Variants in A1CF observed in about 807,000 individuals in gnomAD.
A1CF encodes the protein APOBEC-1 stimulating protein.
In A1CF, 48 loss-of-function variants were observed where a neutral mutation model predicts 68.9. The observed-to-expected ratio is 0.70, with a 90% CI of 0.55 to 0.89. The LOEUF is 0.89. A1CF is among the 40% of genes least tolerant of loss of function. The pLI is 0.00. For missense variants in A1CF, 653 were observed against 718.9 expected, an observed-to-expected ratio of 0.91 and a Z score of 1.05; for synonymous variants, 272 against 260.4, an observed-to-expected ratio of 1.04 and a Z score of -0.43.
intron 2 of A1CF, among the ~76,000 whole-genome samples, chr10:50,861,826 ATAG>A (rs1840761371): frequency 1.3e-5 from 2 of 148,350 alleles, no homozygotes; most frequent in Non-Finnish European, 1.5e-5. Context: ...TAATACTATG[ATAG>A]TAGCAATAGT....
rs1371699304 is a variant in A1CF at position 50,801,471 on chromosome 10, C to T, written c.*5258G>A. On this transcript the variant is annotated 3_prime_UTR_variant, in exon 13 of 13. Transcript: ENST00000373997. The stretch of plus-strand genomic sequence containing the variant: ...GGACACGTTTGGAAATAAGAGGGAT[C>T]ATTGTTAATATTTATAGAAGGACAG... 2.0e-5 allele frequency: 3 copies of T among 152,156 alleles called. No individual in the cohort carries two copies. Among genetic ancestry groups the T allele is most frequent in the Non-Finnish European group, 2.9e-5 (2 of 68,060 alleles). The allele number at this position is 152,156 out of a possible 1,614,324, so 9.4% of individuals were successfully genotyped here.
At chr10:50,823,680 A>C (rs1838782366) in intron 7 of A1CF, 1 of 152,150 alleles carries the variant, frequency 6.6e-6, no homozygotes, top group African/African-American at 2.4e-5. Flanking sequence ...TCTTGTAGGA[A>C]GATCAGATTT....
At chr10:50,830,740 GT>G (rs1352531902) in intron 6 of A1CF, among the ~76,000 whole-genome samples, 1 of 152,086 alleles carries the variant, frequency 6.6e-6, no homozygotes. Context: ...TTCCAGTGAT[GT>G]TTTTCACAGA....
chr10:50,875,935 C>G (rs1841492510), intron 1 of A1CF, among the ~76,000 whole-genome samples: 1 of 152,192 alleles, frequency 6.6e-6, no homozygotes, highest in Non-Finnish European at 1.5e-5. Flanking sequence ...CCTGCCATGA[C>G]CTGGTCGTAA....
intron 6 of A1CF, among the ~76,000 whole-genome samples, chr10:50,828,664 C>T (rs1321404061): frequency 6.6e-6 from 1 of 151,990 alleles, no homozygotes; most frequent in African/African-American, 2.4e-5. Flanking sequence ...ATTTAGGGCC[C>T]AGATATAGAA....
Position 50,836,324 on chromosome 10 carries a change from G to A in A1CF, c.366-12C>T. ...AGAGGCGCCCATTTCTGCAAAAAGA[G>A]CAGGGATTTTGATTGATGAGAATCC... is the stretch of plus-strand genomic sequence containing the variant. On this transcript the variant is annotated splice_polypyrimidine_tract_variant and intron_variant, in intron 5 of 12. Transcript: ENST00000373997. 1 of 1,607,206 alleles carries A rather than the reference G, an allele frequency of 6.2e-7. No individual in the cohort carries two copies. The highest frequency in any genetic ancestry group is 8.5e-7 in the Non-Finnish European group (1 of 1,177,418).
chr10:50,819,916 G>A (rs1005981069), intron 8 of A1CF, among the ~76,000 whole-genome samples: 6 of 152,128 alleles, frequency 3.9e-5, no homozygotes, highest in African/African-American at 9.7e-5. Context: ...GCACGAGTTT[G>A]TGTAGTTGTC....
intron 8 of A1CF, among the ~76,000 whole-genome samples, chr10:50,819,145 T>C (rs1162128767): frequency 6.6e-6 from 1 of 152,120 alleles, no homozygotes; most frequent in Non-Finnish European, 1.5e-5. Context: ...CTTTCCTTAA[T>C]GGTGGGGTCT....
chr10:50,837,014 C>T (rs1011271318), intron 5 of A1CF, among the ~76,000 whole-genome samples: 1 of 152,160 alleles, frequency 6.6e-6, no homozygotes, highest in African/African-American at 2.4e-5. Flanking sequence ...CTGCCTGGCC[C>T]TGCAGTCGCT....
chr10:50,854,029 G>A (rs1009505097), intron 3 of A1CF, among the ~76,000 whole-genome samples: 1 of 151,514 alleles, frequency 6.6e-6, no homozygotes, highest in Non-Finnish European at 1.5e-5. Flanking sequence ...GTGAACCTAG[G>A]GACCTATCAC....
intron 3 of A1CF, among the ~76,000 whole-genome samples, chr10:50,859,539 A>G (rs1043073014): frequency 2.0e-5 from 3 of 152,144 alleles, no homozygotes; most frequent in Admixed American, 6.5e-5. Flanking sequence ...TGAAACACCA[A>G]TGTGGTTCTA....
At chr10:50,877,942 G>A (rs1195638868) in intron 1 of A1CF, among the ~76,000 whole-genome samples, 1 of 152,132 alleles carries the variant, frequency 6.6e-6, no homozygotes. Context: ...CTAACAAGGT[G>A]AAACCCTGTC....
At chr10:50,836,420 C>A in intron 5 of A1CF, 108 bp from the exon 6 acceptor site, 1 of 1,262,326 alleles carries the variant, frequency 7.9e-7, no homozygotes, top group Non-Finnish European at 1.1e-6. Flanking sequence ...TGTTTGGGTT[C>A]ATAGTGTTGA....
intron 1 of A1CF, among the ~76,000 whole-genome samples, chr10:50,864,305 C>G (rs537330371): frequency 5.9e-5 from 9 of 152,188 alleles, no homozygotes; most frequent in Admixed American, 3.9e-4. Context: ...TTGCTAATAT[C>G]TCATATTGGA....
chr10:50,806,486 A>G lies in A1CF; in HGVS notation c.*243T>C. 3.7e-6 allele frequency: 1 copy of G among 270,158 alleles called. No homozygotes were observed. Among genetic ancestry groups the G allele is most frequent in the Non-Finnish European group, 6.8e-6 (1 of 147,466 alleles). The allele number at this position is 270,158 out of a possible 1,614,324, so 16.7% of individuals were successfully genotyped here. Reference sequence around the variant, plus strand: ...AACACTCAGGAAGACTGGAAGAACAACTTTTGGGGCAGTGGCTCTCCAGCT... The same window carrying G: ...AACACTCAGGAAGACTGGAAGAACAGCTTTTGGGGCAGTGGCTCTCCAGCT... On this transcript the variant is annotated 3_prime_UTR_variant, in exon 13 of 13. Coordinates refer to ENST00000373997, the MANE Select transcript of A1CF (RefSeq NM_014576.4).
chr10:50,879,400 G>A (rs147072145), intron 1 of A1CF, among the ~76,000 whole-genome samples: 7 of 152,112 alleles, frequency 4.6e-5, no homozygotes, highest in Non-Finnish European at 1.0e-4. Flanking sequence ...TGCCTCCATG[G>A]TTTATCCTGT....
intron 5 of A1CF, among the ~76,000 whole-genome samples, chr10:50,838,182 G>A (rs1839604146): frequency 6.6e-6 from 1 of 152,254 alleles, no homozygotes; most frequent in South Asian, 2.1e-4. Context: ...TCCATGGAGC[G>A]AATGGCTCTT....
chr10:50,859,692 A>C, intron 3 of A1CF, 150 bp downstream of exon 3: 1 of 644,242 alleles, frequency 1.6e-6, no homozygotes, highest in East Asian at 2.8e-5. Context: ...TACAAAACAG[A>C]AATGTTGCAA....
In A1CF at chr10:50,804,022, G is replaced by A. The variant is rs115550940; in HGVS notation, c.*2707C>T. The A allele has an allele frequency of 5.9e-3, 895 of 152,078 alleles. 4 individuals are homozygous for A. The highest frequency in any genetic ancestry group is 0.02 in the African/African-American group (815 of 41,480). The allele number at this position is 152,078 out of a possible 1,614,324, so 9.4% of individuals were successfully genotyped here. On this transcript the variant is annotated 3_prime_UTR_variant, in exon 13 of 13. Transcript: ENST00000373997. ...GGACTTGCTCTATCTACCTAACTTG[G>A]GGAAAGTAAAAATAAACATATGGCA...
Sources: gnomAD v4.1 joint callset for allele counts (sites outside exome capture counted in the v4.1 genomes callset) on GRCh38, gnomAD v4.1.1 for gene constraint, MANE v1.5 for transcripts, NCBI Gene and HGNC (gene_info 2026-07-23, HGNC 2026-07-21) for gene names.